NELL1: variants seen among roughly 807,000 people sequenced by gnomAD.
The protein encoded by NELL1 is protein kinase C-binding protein NELL1.
In NELL1, 76 loss-of-function variants were observed where a neutral mutation model predicts 107.4. The observed-to-expected ratio is 0.71, with a 90% CI of 0.59 to 0.86. NELL1 has a LOEUF of 0.86. NELL1 is among the 40% of genes least tolerant of loss of function. The probability of loss-of-function intolerance (pLI) is 0.00; values close to 1 mark genes in which losing one functional copy is unlikely to be tolerated. For missense variants in NELL1, 1,024 were observed against 1,005.5 expected (o/e 1.02, Z -0.25); for synonymous variants, 353 against 341.2 (o/e 1.03, Z -0.38).
In NELL1 at chr11:21,219,559, T is replaced by C. The variant is rs138115490; in HGVS notation, c.1427-9773T>C. 4.4e-3 allele frequency among the ~76,000 whole-genome samples: 663 copies of C among 152,314 alleles called. 1 individual carries two copies. The highest frequency in any genetic ancestry group is 8.0e-3 in the Non-Finnish European group (541 of 68,024). On this transcript the variant is annotated intron_variant, in intron 13 of 19. Transcript: ENST00000357134. ...ACCCTAAAATCTCTGCCCATATCAATGTCCTAAAGCATTTTCCCTATGTTT... is the reference window on the plus strand; with the variant it reads ...ACCCTAAAATCTCTGCCCATATCAACGTCCTAAAGCATTTTCCCTATGTTT...
intron 4 of NELL1, among the ~76,000 whole-genome samples, chr11:20,858,138 A>G (rs2134070082): frequency 6.6e-6 from 1 of 152,176 alleles, no homozygotes; most frequent in East Asian, 1.9e-4. Context: ...GAAGTACTCT[A>G]CAAGTCCCTT....
At chr11:21,303,833 C>G (rs1849549730) in intron 14 of NELL1, among the ~76,000 whole-genome samples, 1 of 151,960 alleles carries the variant, frequency 6.6e-6, no homozygotes, top group African/African-American at 2.4e-5. Context: ...CTGGGAAACC[C>G]AGGATCAAGG....
At chr11:21,390,041 T>C (rs908094608) in intron 15 of NELL1, among the ~76,000 whole-genome samples, 2 of 151,846 alleles carry the variant, frequency 1.3e-5, no homozygotes, top group East Asian at 3.9e-4. Flanking sequence ...AGAATTCCAA[T>C]TGCATTGTAA....
chr11:21,236,293 C>T (rs1431768431), intron 14 of NELL1, among the ~76,000 whole-genome samples: 2 of 152,030 alleles, frequency 1.3e-5, no homozygotes, highest in Admixed American at 6.6e-5. Flanking sequence ...CAGCCTTTAC[C>T]ACACAAAACC....
intron 15 of NELL1, among the ~76,000 whole-genome samples, chr11:21,489,398 A>AAAAAAAAAAAAAAAAAAAAC (rs1854737309): frequency 6.8e-6 from 1 of 146,420 alleles, no homozygotes. Context: ...AAAAAAAAAA[A>AAAAAAAAAAAAAAAAAAAAC]AAAAAAAAAA....
chr11:21,174,805 G>A (rs1856679186), intron 13 of NELL1, among the ~76,000 whole-genome samples: 1 of 151,766 alleles, frequency 6.6e-6, no homozygotes, highest in South Asian at 2.1e-4. Flanking sequence ...CAGGTTTTGT[G>A]TAATTAATTC....
At chr11:21,276,011 C>CA (rs1169072307) in intron 14 of NELL1, among the ~76,000 whole-genome samples, 1 of 152,176 alleles carries the variant, frequency 6.6e-6, no homozygotes, top group East Asian at 1.9e-4. Flanking sequence ...TGCCGTCTCT[C>CA]ACCACTCCTA....
intron 8 of NELL1, among the ~76,000 whole-genome samples, chr11:20,928,085 A>AT (rs1850537990): frequency 2.0e-5 from 3 of 152,236 alleles, no homozygotes; most frequent in Admixed American, 2.0e-4. Flanking sequence ...GAGTCTGCAA[A>AT]TGTGTTATTT....
chr11:20,883,709 A>G (rs576818698), intron 4 of NELL1, among the ~76,000 whole-genome samples: 51 of 152,204 alleles, frequency 3.4e-4, no homozygotes, highest in African/African-American at 1.2e-3. Context: ...CCTTTTTTCC[A>G]GTGAAAAATA....
intron 15 of NELL1, among the ~76,000 whole-genome samples, chr11:21,421,381 C>T (rs1852665099): frequency 1.3e-5 from 2 of 152,114 alleles, no homozygotes; most frequent in Admixed American, 6.5e-5. Context: ...GAGGTAGCAA[C>T]CCATCCCCTA....
chr11:20,809,143 T>C (rs560995207), intron 3 of NELL1, among the ~76,000 whole-genome samples: 73 of 152,304 alleles, frequency 4.8e-4, no homozygotes, highest in Middle Eastern at 3.4e-3. Flanking sequence ...TACCAGTGAA[T>C]AGGGGTTTGG....
rs1851102045 is a variant in NELL1 at position 21,362,580 on chromosome 11, T to C, written c.1550-8273T>C. ...GTCTTCTTCTTTCTGAGATCAGAGTTATTCTGTCCTGAATTGCTATAATGG... is the reference window on the plus strand; with the variant it reads ...GTCTTCTTCTTTCTGAGATCAGAGTCATTCTGTCCTGAATTGCTATAATGG... On this transcript the variant is annotated intron_variant, in intron 14 of 19. Coordinates refer to ENST00000357134, the MANE Select transcript of NELL1 (RefSeq NM_006157.5). Among the ~76,000 whole-genome samples the C allele has an allele frequency of 2.0e-5, 3 of 152,264 alleles. No individual in the cohort carries two copies. The South Asian group carries it at 6.2e-4, about 32-fold the overall frequency.
At chr11:21,095,306 C>G (rs535972757) in intron 12 of NELL1, among the ~76,000 whole-genome samples, 32 of 152,294 alleles carry the variant, frequency 2.1e-4, no homozygotes, top group African/African-American at 7.7e-4. Context: ...CAAAGCCATT[C>G]AACAGGTCCC....
chr11:21,495,635 A>G (rs1366103286), intron 15 of NELL1, among the ~76,000 whole-genome samples: 1 of 152,174 alleles, frequency 6.6e-6, no homozygotes, highest in Non-Finnish European at 1.5e-5. Context: ...GCAATGGATG[A>G]GTATTCAAGT....
chr11:21,167,245 G>C (rs750747856), intron 13 of NELL1, among the ~76,000 whole-genome samples: 1 of 151,812 alleles, frequency 6.6e-6, no homozygotes, highest in Non-Finnish European at 1.5e-5. Context: ...TCTGTGAGAA[G>C]CCACATACTT....
At chr11:21,080,095 T>C (rs1478779153) in intron 12 of NELL1, among the ~76,000 whole-genome samples, 5 of 152,104 alleles carry the variant, frequency 3.3e-5, no homozygotes, top group Non-Finnish European at 7.4e-5. Context: ...TCCTAGACAC[T>C]GTGCTAAGTG....
At chr11:21,573,455 A>G in intron 19 of NELL1, 46 bp downstream of exon 19, 1 of 1,543,278 alleles carries the variant, frequency 6.5e-7, no homozygotes, top group Non-Finnish European at 8.9e-7. Context: ...CAATTGCCAG[A>G]GAACACTTGC....
chr11:21,046,529 T>C (rs953697323), intron 12 of NELL1, among the ~76,000 whole-genome samples: 2 of 152,252 alleles, frequency 1.3e-5, no homozygotes, highest in Admixed American at 6.5e-5. Flanking sequence ...AAAATTTATG[T>C]TATGTCCGAC....
chr11:21,132,294 G>A (rs1391169754), intron 13 of NELL1, among the ~76,000 whole-genome samples: 1 of 152,144 alleles, frequency 6.6e-6, no homozygotes, highest in African/African-American at 2.4e-5. Flanking sequence ...GATCCTTGGG[G>A]TGTTGCCTCA....
Sources: allele counts gnomAD v4.1 joint callset (sites outside exome capture counted in the v4.1 genomes callset), GRCh38; gene constraint gnomAD v4.1.1; transcripts MANE v1.5; gene names NCBI Gene and HGNC (gene_info 2026-07-23, HGNC 2026-07-21).